The following LHFPL3 variants were observed in gnomAD, a reference collection of about 807,000 sequenced individuals.
LHFPL3 encodes the protein LHFPL tetraspan subfamily member 3 protein.
A neutral mutation model predicts 19.3 loss-of-function variants in LHFPL3; 5 were observed. That is an observed-to-expected ratio of 0.26 (90% confidence interval 0.14 to 0.54). The LOEUF is 0.54. LHFPL3 is among the 20% of genes least tolerant of loss of function. The pLI is 0.94. For synonymous variants in LHFPL3, 133 were observed against 126.2 expected, an observed-to-expected ratio of 1.05 and a Z score of -0.36; for missense variants, 249 against 307.4, an observed-to-expected ratio of 0.81 and a Z score of 1.42.
At chr7:104,446,370 G>C (rs1244509180) in intron 1 of LHFPL3, among the ~76,000 whole-genome samples, 1 of 152,108 alleles carries the variant, frequency 6.6e-6, no homozygotes, top group Non-Finnish European at 1.5e-5. Context: ...ACCTAGCATT[G>C]TTCTTTTCCA....
intron 2 of LHFPL3, among the ~76,000 whole-genome samples, chr7:104,875,023 T>C (rs879482644): frequency 6.6e-6 from 1 of 151,118 alleles, no homozygotes; most frequent in Non-Finnish European, 1.5e-5. Context: ...ATGTATTTTT[T>C]TTTTTAGAGA....
chr7:104,906,629 A>T lies in LHFPL3; in HGVS notation c.*414A>T, dbSNP rs1403975305. The T allele has an allele frequency of 1.2e-5, 2 of 165,098 alleles. No homozygotes were observed. Among genetic ancestry groups the T allele is most frequent in the African/African-American group, 4.8e-5 (2 of 42,038 alleles). The allele number at this position is 165,098 out of a possible 1,614,324, so 10.2% of individuals were successfully genotyped here. A position where few individuals can be genotyped will look rare whatever the true frequency, so the allele number is the denominator to read the frequency against. On this transcript the variant is annotated 3_prime_UTR_variant, in exon 3 of 3. Coordinates refer to ENST00000424859, the MANE Select transcript of LHFPL3 (RefSeq NM_199000.3). ...GCTTTAACCTTTCAACAGAATTTTT[A>T]AAAAGGCAGTTAGTTCTAAATTATT...
chr7:104,721,204 A>C (rs578100030), intron 1 of LHFPL3, among the ~76,000 whole-genome samples: 91 of 152,334 alleles, frequency 6.0e-4, no homozygotes, highest in African/African-American at 2.1e-3. Context: ...AATACTATGC[A>C]GCCATAAAAA....
intron 2 of LHFPL3, chr7:104,803,496 G>C (rs1017988413): frequency 2.6e-5 from 4 of 152,192 alleles, no homozygotes; most frequent in Non-Finnish European, 4.4e-5. Context: ...CCACATGTGT[G>C]TTCCTCTTTG....
At chr7:104,419,574 G>C (rs1160349447) in intron 1 of LHFPL3, among the ~76,000 whole-genome samples, 2 of 152,208 alleles carry the variant, frequency 1.3e-5, no homozygotes, top group South Asian at 4.1e-4. Flanking sequence ...CATGTTATAA[G>C]AGAAATAGAT....
intron 1 of LHFPL3, among the ~76,000 whole-genome samples, chr7:104,410,124 T>G (rs375656781): frequency 2.6e-5 from 4 of 152,060 alleles, no homozygotes; most frequent in African/African-American, 9.6e-5. Flanking sequence ...ATGTCTGCAG[T>G]TTTTTGTTGT....
At chr7:104,479,992 A>G (rs1300516968) in intron 1 of LHFPL3, among the ~76,000 whole-genome samples, 1 of 152,228 alleles carries the variant, frequency 6.6e-6, no homozygotes, top group Admixed American at 6.5e-5. Flanking sequence ...GAAAACTGAA[A>G]CTTTAGGATG....
At chr7:104,865,139 A>C (rs1482557798) in intron 2 of LHFPL3, among the ~76,000 whole-genome samples, 1 of 152,210 alleles carries the variant, frequency 6.6e-6, no homozygotes, top group East Asian at 1.9e-4. Context: ...ACAGCAGAAA[A>C]AAACTGGAAA....
chr7:104,467,994 G>C (rs752459595), intron 1 of LHFPL3, among the ~76,000 whole-genome samples: 8 of 152,216 alleles, frequency 5.3e-5, no homozygotes, highest in Non-Finnish European at 1.0e-4. Context: ...ACTCAGGAAA[G>C]AGGTATCTGT....
intron 1 of LHFPL3, among the ~76,000 whole-genome samples, chr7:104,648,209 T>C (rs1203532673): frequency 2.0e-5 from 3 of 152,222 alleles, no homozygotes. Context: ...AGTCCTGAAG[T>C]ATGTGCTGTT....
intron 2 of LHFPL3, among the ~76,000 whole-genome samples, chr7:104,870,396 G>A (rs1031451143): frequency 4.6e-5 from 7 of 151,988 alleles, no homozygotes; most frequent in African/African-American, 1.7e-4. Context: ...TGTAATATTC[G>A]CCCGACTTGC....
chr7:104,629,092 CTATT>C (rs1462997818), intron 1 of LHFPL3, among the ~76,000 whole-genome samples: 1 of 152,126 alleles, frequency 6.6e-6, no homozygotes, highest in Non-Finnish European at 1.5e-5. Context: ...TACAATATGA[CTATT>C]TAAGAAACCA....
chr7:104,645,484 A>G (rs73413759), intron 1 of LHFPL3, among the ~76,000 whole-genome samples: 8,297 of 152,062 alleles, frequency 0.055, 780 homozygotes, highest in African/African-American at 0.19. Flanking sequence ...GATGAGTACT[A>G]TGTTCCCTAA....
intron 1 of LHFPL3, among the ~76,000 whole-genome samples, chr7:104,341,664 T>A (rs944823626): frequency 2.6e-5 from 4 of 152,282 alleles, no homozygotes; most frequent in Middle Eastern, 3.4e-3. Flanking sequence ...TCCAGTAAGA[T>A]GAGCAGGATA....
At chr7:104,750,891 C>A (rs559799814) in intron 2 of LHFPL3, among the ~76,000 whole-genome samples, 2 of 151,876 alleles carry the variant, frequency 1.3e-5, no homozygotes, top group African/African-American at 4.8e-5. Flanking sequence ...AAATTTAGAA[C>A]GACATTGACT....
At chr7:104,844,781 C>T (rs1221438139) in intron 2 of LHFPL3, among the ~76,000 whole-genome samples, 1 of 152,170 alleles carries the variant, frequency 6.6e-6, no homozygotes, top group Non-Finnish European at 1.5e-5. Context: ...TGCTGTCACC[C>T]AGGCTGGAGT....
At chr7:104,496,436 G>T (rs896847859) in intron 1 of LHFPL3, among the ~76,000 whole-genome samples, 19 of 152,158 alleles carry the variant, frequency 1.2e-4, no homozygotes, top group African/African-American at 4.3e-4. Flanking sequence ...ACATACGTGT[G>T]CATGTGTCTT....
intron 1 of LHFPL3, among the ~76,000 whole-genome samples, chr7:104,524,894 T>A (rs1794155681): frequency 6.6e-6 from 1 of 152,206 alleles, no homozygotes; most frequent in Non-Finnish European, 1.5e-5. Flanking sequence ...TTTATTCATT[T>A]TTTTCTGGTT....
intron 1 of LHFPL3, among the ~76,000 whole-genome samples, chr7:104,597,011 C>T (rs530966868): frequency 1.3e-5 from 2 of 152,304 alleles, no homozygotes; most frequent in Admixed American, 6.5e-5. Flanking sequence ...TAAACACTAC[C>T]TCTTCTGTTC....
Sources: gnomAD v4.1 joint callset for allele counts (sites outside exome capture counted in the v4.1 genomes callset) on GRCh38, gnomAD v4.1.1 for gene constraint, MANE v1.5 for transcripts, NCBI Gene and HGNC (gene_info 2026-07-23, HGNC 2026-07-21) for gene names.